EYA1: variants seen among roughly 807,000 people sequenced by gnomAD.
EYA1 encodes the protein protein phosphatase EYA1.
EYA1 carries 16 observed loss-of-function variants against 82.0 expected under a neutral mutation model. That is an observed-to-expected ratio of 0.20 (90% confidence interval 0.13 to 0.30). The LOEUF (loss-of-function observed/expected upper bound fraction) is 0.30. Ranked by LOEUF, EYA1 falls within the 10% of genes least tolerant of loss-of-function variation. The pLI is 1.00. For missense variants in EYA1, 633 were observed against 730.7 expected, an observed-to-expected ratio of 0.87 and a Z score of 1.54; for synonymous variants, 261 against 264.4, an observed-to-expected ratio of 0.99 and a Z score of 0.12.
intron 2 of EYA1, among the ~76,000 whole-genome samples, chr8:71,479,080 G>A (rs973679559): frequency 6.6e-6 from 1 of 152,022 alleles, no homozygotes; most frequent in South Asian, 2.1e-4. Flanking sequence ...ATGTGATAGG[G>A]ACCTACTTTC....
chr8:71,223,176 G>A (rs182467264), intron 12 of EYA1, among the ~76,000 whole-genome samples: 4 of 152,258 alleles, frequency 2.6e-5, no homozygotes, highest in South Asian at 2.1e-4. Flanking sequence ...CTGCCACAGC[G>A]TGTCCTAAGT....
At chr8:71,341,852 G>C (rs1825166494) in intron 3 of EYA1, among the ~76,000 whole-genome samples, 1 of 152,136 alleles carries the variant, frequency 6.6e-6, no homozygotes, top group African/African-American at 2.4e-5. Flanking sequence ...TGGCCAAAAA[G>C]AAACATTAGT....
chr8:71,439,163 C>A (rs548538540), intron 2 of EYA1, among the ~76,000 whole-genome samples: 2 of 152,266 alleles, frequency 1.3e-5, no homozygotes, highest in South Asian at 2.1e-4. Context: ...AAGGTTAAAA[C>A]CTTTTTTCCT....
chr8:71,334,059 C>A, intron 4 of EYA1, 38 bp downstream of exon 4: 3 of 1,413,146 alleles, frequency 2.1e-6, no homozygotes, highest in Non-Finnish European at 2.0e-6. Flanking sequence ...AGAAAAAATG[C>A]TTGGTGTTGA....
At chr8:71,351,068 C>T (rs575412180) in intron 3 of EYA1, among the ~76,000 whole-genome samples, 1 of 152,236 alleles carries the variant, frequency 6.6e-6, no homozygotes, top group East Asian at 1.9e-4. Flanking sequence ...AGAAGTATCA[C>T]CAAGAAGCCT....
At chr8:71,417,672 T>G (rs4236986) in intron 2 of EYA1, among the ~76,000 whole-genome samples, 110,958 of 151,928 alleles carry the variant, frequency 0.73, 41,494 homozygotes, top group African/African-American at 0.85. Flanking sequence ...GACACAAGGG[T>G]TCCTGCTGAA....
intron 2 of EYA1, among the ~76,000 whole-genome samples, chr8:71,401,381 A>G (rs1472136600): frequency 6.6e-6 from 1 of 152,306 alleles, no homozygotes; most frequent in East Asian, 1.9e-4. Context: ...ATTTTCTTTA[A>G]CTTCGGTCTT....
At chr8:71,280,830 C>A (rs1377942713) in intron 9 of EYA1, among the ~76,000 whole-genome samples, 2 of 152,172 alleles carry the variant, frequency 1.3e-5, no homozygotes, top group Non-Finnish European at 2.9e-5. Context: ...TTCACTGCAG[C>A]CTTGACCTCC....
chr8:71,390,177 A>G (rs2129109052), intron 2 of EYA1, among the ~76,000 whole-genome samples: 1 of 152,134 alleles, frequency 6.6e-6, no homozygotes, highest in African/African-American at 2.4e-5. Context: ...TCTTCTTTTA[A>G]TATACTACTG....
intron 2 of EYA1, among the ~76,000 whole-genome samples, chr8:71,406,806 C>T (rs1170109236): frequency 9.6e-5 from 14 of 146,234 alleles, no homozygotes; most frequent in African/African-American, 1.8e-4. Flanking sequence ...GAGGGGCGCC[C>T]GCCATTGCCC....
chr8:71,344,028 T>C (rs961358160), intron 3 of EYA1, among the ~76,000 whole-genome samples: 1 of 152,164 alleles, frequency 6.6e-6, no homozygotes, highest in Non-Finnish European at 1.5e-5. Flanking sequence ...CAAAAAACCA[T>C]CTTATTTTTA....
chr8:71,309,793 C>G, intron 7 of EYA1, among the ~76,000 whole-genome samples: 1 of 152,210 alleles, frequency 6.6e-6, no homozygotes, highest in East Asian at 1.9e-4. Flanking sequence ...GTGTGATGGC[C>G]GCAGAGCTGT....
intron 10 of EYA1, among the ~76,000 whole-genome samples, chr8:71,270,501 A>C (rs1266327449): frequency 6.6e-6 from 1 of 152,232 alleles, no homozygotes; most frequent in Non-Finnish European, 1.5e-5. Context: ...TCTTTGGGAT[A>C]CCACAAAAAG....
At chr8:71,342,019 A>G (rs1443492386) in intron 3 of EYA1, among the ~76,000 whole-genome samples, 1 of 152,102 alleles carries the variant, frequency 6.6e-6, no homozygotes, top group East Asian at 1.9e-4. Context: ...TTACAACTCC[A>G]TGTTCCTTTT....
chr8:71,309,676 A>C (rs893561231), intron 7 of EYA1, among the ~76,000 whole-genome samples: 1 of 152,246 alleles, frequency 6.6e-6, no homozygotes, highest in Admixed American at 6.5e-5. Context: ...TAATAAACTT[A>C]AATGGTTCAG....
At chr8:71,385,416 T>C (rs930606237) in intron 2 of EYA1, among the ~76,000 whole-genome samples, 1 of 151,968 alleles carries the variant, frequency 6.6e-6, no homozygotes, top group Admixed American at 6.6e-5. Flanking sequence ...TGGAAAGAAA[T>C]GTAGGTACAA....
At chr8:71,355,696 T>C (rs1826797034) in intron 2 of EYA1, among the ~76,000 whole-genome samples, 1 of 152,228 alleles carries the variant, frequency 6.6e-6, no homozygotes, top group Non-Finnish European at 1.5e-5. Flanking sequence ...AATTCTACTT[T>C]AGTGCTATAA....
chr8:71,501,648 T>C (rs1811813041), intron 2 of EYA1, among the ~76,000 whole-genome samples: 1 of 152,158 alleles, frequency 6.6e-6, no homozygotes, highest in African/African-American at 2.4e-5. Flanking sequence ...GACTGAATAG[T>C]AGAAGGAGCG....
chr8:71,354,770 G>A lies in EYA1; in HGVS notation c.124+12C>T. The A allele has an allele frequency of 1.2e-6, 2 of 1,611,734 alleles. No individual in the cohort carries two copies. Among genetic ancestry groups the A allele is most frequent in the Non-Finnish European group, 1.7e-6 (2 of 1,178,404 alleles). On this transcript the variant is annotated intron_variant, in intron 3 of 17. Transcript: ENST00000340726. Reference sequence around the variant, plus strand: ...AAGGTGCAAAGTAAATAGTGAGAAGGCAGACACTCACCTTCGGTGCCATTG... The same window carrying A: ...AAGGTGCAAAGTAAATAGTGAGAAGACAGACACTCACCTTCGGTGCCATTG...
Sources: allele counts gnomAD v4.1 joint callset (sites outside exome capture counted in the v4.1 genomes callset), GRCh38; gene constraint gnomAD v4.1.1; transcripts MANE v1.5; gene names NCBI Gene and HGNC (gene_info 2026-07-23, HGNC 2026-07-21).